DENND1B: variants seen among roughly 807,000 people sequenced by gnomAD.
The protein encoded by DENND1B is DENN domain containing 1B.
Under a neutral mutation model 90.1 loss-of-function variants are expected in DENND1B, and 59 were observed. The ratio of observed to expected loss-of-function variants is 0.65; its 90% CI spans 0.53 to 0.81. DENND1B has a LOEUF of 0.81. DENND1B is among the 40% of genes least tolerant of loss of function. The pLI, the probability that DENND1B is intolerant of heterozygous loss-of-function variation, is 0.00. For synonymous variants in DENND1B, 337 were observed against 324.6 expected, an observed-to-expected ratio of 1.04 and a Z score of -0.41; for missense variants, 862 against 912.6, an observed-to-expected ratio of 0.94 and a Z score of 0.71.
chr1:197,703,579 A>C (rs953822846), intron 3 of DENND1B, among the ~76,000 whole-genome samples: 14 of 152,200 alleles, frequency 9.2e-5, no homozygotes, highest in African/African-American at 3.4e-4. Flanking sequence ...GAGATGTCTT[A>C]AAGTGTTTGG....
chr1:197,528,739 A>G (rs985111659), intron 20 of DENND1B, among the ~76,000 whole-genome samples: 2 of 151,044 alleles, frequency 1.3e-5, no homozygotes, highest in Admixed American at 1.3e-4. Flanking sequence ...GGGCGCCTGT[A>G]GTCCCAGCTA....
intron 2 of DENND1B, among the ~76,000 whole-genome samples, chr1:197,736,262 T>A (rs945760793): frequency 2.6e-5 from 4 of 152,264 alleles, no homozygotes; most frequent in African/African-American, 9.6e-5. Flanking sequence ...AGCAAAAATT[T>A]TGAGTCAGAG....
intron 2 of DENND1B, chr1:197,734,111 G>A (rs1274929190): frequency 2.1e-6 from 2 of 963,284 alleles, no homozygotes; most frequent in African/African-American, 3.5e-5. Flanking sequence ...AAATGCAGAA[G>A]TCAAAATAAA....
At position 197,505,142 on chromosome 1, in the gene DENND1B, T is replaced by C. The variant is rs1472321923; in HGVS notation, c.*5318A>G. On this transcript the variant is annotated 3_prime_UTR_variant, in exon 23 of 23. Transcript: ENST00000620048. ...GTTGTAGGACTCAGGCAGTTCATAT[T>C]AGTTGCTGTTTTAGGCACTGCTGTA... is the stretch of plus-strand genomic sequence containing the variant. The C allele has an allele frequency of 2.0e-5, 3 of 151,776 alleles. No individual in the cohort carries two copies. The highest frequency in any genetic ancestry group is 7.2e-5 in the African/African-American group (3 of 41,396). 9.4% of individuals were successfully genotyped at this position (151,776 alleles called of 1,614,324 possible). A position where few individuals can be genotyped will look rare whatever the true frequency, so the allele number is the denominator to read the frequency against.
chr1:197,605,957 A>T (rs1676638594), intron 13 of DENND1B: 1 of 151,138 alleles, frequency 6.6e-6, no homozygotes, highest in Admixed American at 6.6e-5. Context: ...TCACTTTCTC[A>T]AACTCCTTAA....
chr1:197,686,775 T>G (rs1657286739), intron 3 of DENND1B, among the ~76,000 whole-genome samples: 1 of 151,910 alleles, frequency 6.6e-6, no homozygotes, highest in African/African-American at 2.4e-5. Context: ...TTCAGGCCGC[T>G]TCACAACTCC....
intron 2 of DENND1B, among the ~76,000 whole-genome samples, chr1:197,762,161 C>T (rs1383256004): frequency 6.6e-6 from 1 of 152,164 alleles, no homozygotes. Flanking sequence ...AGGTACTTGT[C>T]CTTAAAAGCC....
chr1:197,696,893 C>CA (rs533976295), intron 3 of DENND1B, among the ~76,000 whole-genome samples: 2,790 of 106,816 alleles, frequency 0.026, 57 homozygotes, highest in African/African-American at 0.068. Context: ...CAGAGACATG[C>CA]AAAAAAAAAA....
intron 20 of DENND1B, among the ~76,000 whole-genome samples, chr1:197,527,525 G>T (rs1004019215): frequency 1.3e-5 from 2 of 150,000 alleles, no homozygotes; most frequent in Non-Finnish European, 2.9e-5. Context: ...CAAGTGATCC[G>T]CCTGCCTCGG....
chr1:197,542,597 G>A (rs1670416105), intron 18 of DENND1B, among the ~76,000 whole-genome samples: 1 of 152,062 alleles, frequency 6.6e-6, no homozygotes, highest in Non-Finnish European at 1.5e-5. Context: ...TCCTACTTTT[G>A]AAAAATTTAC....
chr1:197,575,147 C>T (rs1368627804), intron 15 of DENND1B, among the ~76,000 whole-genome samples: 1 of 152,004 alleles, frequency 6.6e-6, no homozygotes, highest in Non-Finnish European at 1.5e-5. Context: ...TCAGAGTGAA[C>T]AGGCAACCTA....
intron 2 of DENND1B, among the ~76,000 whole-genome samples, chr1:197,770,914 ATT>A (rs113477593): frequency 2.2e-5 from 3 of 136,392 alleles, no homozygotes; most frequent in Non-Finnish European, 3.2e-5. Context: ...ATCTATATAG[ATT>A]TTTTTTTTTT....
chr1:197,527,526 C>A (rs1477088414), intron 20 of DENND1B, among the ~76,000 whole-genome samples: 2 of 150,244 alleles, frequency 1.3e-5, no homozygotes, highest in African/African-American at 2.5e-5. Flanking sequence ...AAGTGATCCG[C>A]CTGCCTCGGC....
chr1:197,555,477 T>C (rs1413802861), intron 15 of DENND1B, among the ~76,000 whole-genome samples: 1 of 152,014 alleles, frequency 6.6e-6, no homozygotes, highest in Non-Finnish European at 1.5e-5. Context: ...AAAGGACTAA[T>C]ATCCAGAATC....
At chr1:197,625,714 A>T (rs1678631928) in intron 10 of DENND1B, among the ~76,000 whole-genome samples, 1 of 152,136 alleles carries the variant, frequency 6.6e-6, no homozygotes, top group South Asian at 2.1e-4. Flanking sequence ...AAAGACACAG[A>T]CTGGCAAATT....
intron 2 of DENND1B, among the ~76,000 whole-genome samples, chr1:197,716,879 T>A (rs953713901): frequency 1.3e-5 from 2 of 152,012 alleles, no homozygotes; most frequent in Admixed American, 6.6e-5. Context: ...TAGCTTACAG[T>A]TTGCCCTTGC....
intron 10 of DENND1B, among the ~76,000 whole-genome samples, chr1:197,625,330 A>G (rs1311655468): frequency 6.6e-6 from 1 of 152,162 alleles, no homozygotes; most frequent in Non-Finnish European, 1.5e-5. Flanking sequence ...CAGAAACGCT[A>G]CAAGCCAGAA....
chr1:197,543,821 A>C (rs1267008172), intron 18 of DENND1B, among the ~76,000 whole-genome samples: 1 of 152,180 alleles, frequency 6.6e-6, no homozygotes, highest in Admixed American at 6.5e-5. Flanking sequence ...GGAATTTTTA[A>C]ACAGAAAGGG....
At chr1:197,648,561 C>T (rs1680935615) in intron 7 of DENND1B, among the ~76,000 whole-genome samples, 1 of 152,104 alleles carries the variant, frequency 6.6e-6, no homozygotes, top group African/African-American at 2.4e-5. Flanking sequence ...CTTTATTTTC[C>T]TTAACTCTTT....
Sources: gnomAD v4.1 joint callset for allele counts (sites outside exome capture counted in the v4.1 genomes callset) on GRCh38, gnomAD v4.1.1 for gene constraint, MANE v1.5 for transcripts, NCBI Gene and HGNC (gene_info 2026-07-23, HGNC 2026-07-21) for gene names.